MYH14: variants seen among roughly 807,000 people sequenced by gnomAD.
The protein encoded by MYH14 is myosin heavy chain 14.
MYH14 carries 123 observed loss-of-function variants against 255.5 expected under a neutral mutation model. That is an observed-to-expected ratio of 0.48 (90% confidence interval 0.42 to 0.56). MYH14 has a LOEUF of 0.56. Ranked by LOEUF, MYH14 falls within the 20% of genes least tolerant of loss-of-function variation. The pLI is 0.00. For missense variants in MYH14, 2,423 were observed against 2,802.3 expected, an observed-to-expected ratio of 0.86 and a Z score of 3.06; for synonymous variants, 1,095 against 1,161.2, an observed-to-expected ratio of 0.94 and a Z score of 1.16.
rs756634390 is a variant in MYH14 at position 50,289,423 on chromosome 19, C to T, written c.4753-13C>T. The T allele has an allele frequency of 6.9e-6, 11 of 1,597,966 alleles. No individual in the cohort carries two copies. Among genetic ancestry groups the T allele is most frequent in the African/African-American group, 1.3e-5 (1 of 74,690 alleles). ...CAGTGACCCAGGTACCCAGCAGCTA[C>T]TCTCCCCACCAGGTGCATGAGCTGG... On this transcript the variant is annotated splice_polypyrimidine_tract_variant and intron_variant, in intron 34 of 42. Coordinates refer to ENST00000642316, the MANE Select transcript of MYH14 (RefSeq NM_001145809.2).
intron 8 of MYH14, among the ~76,000 whole-genome samples, chr19:50,228,635 C>A (rs1438284151): frequency 1.3e-5 from 2 of 152,192 alleles, no homozygotes; most frequent in Non-Finnish European, 2.9e-5. Flanking sequence ...TGGCTCCCAC[C>A]TCTCCATGGT....
Position 50,293,559 on chromosome 19 carries a change from C to T in MYH14, c.5346-5C>T, listed in dbSNP as rs1210324563. The T allele has an allele frequency of 1.9e-6, 3 of 1,612,636 alleles. No individual in the cohort carries two copies. The highest frequency in any genetic ancestry group is 2.5e-6 in the Non-Finnish European group (3 of 1,179,398). On this transcript the variant is annotated splice_region_variant and splice_polypyrimidine_tract_variant and intron_variant, in intron 38 of 42. Transcript: ENST00000642316. This position sits in a 1 kb window ranked among gnomAD's most constrained non-coding sequence, Gnocchi z 4.1. ...TTTCATCCCCACGCCTTCCTGTCTC[C>T]CTAGGGCAGCCATTCTGGAGGAGAA... is the stretch of plus-strand genomic sequence containing the variant.
intron 1 of MYH14, among the ~76,000 whole-genome samples, chr19:50,208,090 T>C (rs972005592): frequency 6.6e-6 from 1 of 152,216 alleles, no homozygotes; most frequent in Non-Finnish European, 1.5e-5. Flanking sequence ...GTCCCCTGGT[T>C]TATTCCTCCC....
chr19:50,273,159 C>T (rs575168954), intron 27 of MYH14, among the ~76,000 whole-genome samples: 20 of 151,848 alleles, frequency 1.3e-4, no homozygotes, highest in South Asian at 1.0e-3. Flanking sequence ...GGTGTGGTGG[C>T]GGGCGCCTGT....
At chr19:50,219,728 G>T (rs1018729181) in intron 3 of MYH14, among the ~76,000 whole-genome samples, 1 of 150,754 alleles carries the variant, frequency 6.6e-6, no homozygotes, top group African/African-American at 2.5e-5. Context: ...TCCATCCAAG[G>T]GGCTGCCATT....
chr19:50,249,074 C>G lies in MYH14; in HGVS notation c.1417C>G (p.Arg473Gly). Residue 473 changes from arginine (R) to glycine (G), a missense_variant, in exon 13 of 43, where the codon CGC becomes GGC. This residue lies in a region of MYH14 where 672 missense variants were observed against 881.8 expected (regional missense o/e 0.76). Coordinates refer to ENST00000642316, the MANE Select transcript of MYH14 (RefSeq NM_001145809.2). ...LVLRLNRALDRSPRQGASFLG... is the reference protein window; with the variant it reads ...LVLRLNRALDGSPRQGASFLG... ...TCTGCGCCTCAACCGGGCCTTGGAC[C>G]GCAGCCCCCGCCAAGGCGCCTCCTT... The G allele has an allele frequency of 6.2e-7, 1 of 1,607,084 alleles. No homozygotes were observed. Among genetic ancestry groups the G allele is most frequent in the African/African-American group, 1.3e-5 (1 of 74,956 alleles).
intron 22 of MYH14, among the ~76,000 whole-genome samples, chr19:50,263,850 A>G (rs1460471708): frequency 6.6e-6 from 1 of 152,052 alleles, no homozygotes; most frequent in Non-Finnish European, 1.5e-5. Context: ...TGAGATCAGG[A>G]GTTCGAGACC....
At position 50,271,916 on chromosome 19, in the gene MYH14, T is replaced by C. The variant is rs753999335; in HGVS notation, c.3239T>C (p.Val1080Ala). ...SSQAAEEEEK[V>A]KSLNKLRLKY... Reference sequence around the variant, plus strand: ...CAGGCAGCTGAGGAGGAGGAGAAGGTCAAGAGCCTCAATAAGCTACGGCTC... The same window carrying C: ...CAGGCAGCTGAGGAGGAGGAGAAGGCCAAGAGCCTCAATAAGCTACGGCTC... Residue 1080 changes from valine (V) to alanine (A), a missense_variant, in exon 26 of 43, where the codon GTC becomes GCC. Val to Ala is a moderately conservative substitution (Grantham distance 64). Around this residue, in one of 3 missense-constraint regions of MYH14, gnomAD observed 1,513 missense variants for 1,674.8 expected, o/e 0.90. Coordinates refer to ENST00000642316, the MANE Select transcript of MYH14 (RefSeq NM_001145809.2). 1 of 1,612,296 alleles carries C rather than the reference T, an allele frequency of 6.2e-7. No individual in the cohort carries two copies. The highest frequency in any genetic ancestry group is 1.7e-5 in the Admixed American group (1 of 59,822).
In MYH14 at chr19:50,266,777, T is replaced by C; in HGVS notation, c.2695-100T>C. Reference sequence around the variant, plus strand: ...AAGGCGGGGACACACAGCTAATAGGTGGAGGAGAAGGGATTTGAACCCAGA... The same window carrying C: ...AAGGCGGGGACACACAGCTAATAGGCGGAGGAGAAGGGATTTGAACCCAGA... On this transcript the variant is annotated intron_variant, in intron 22 of 42. Coordinates refer to ENST00000642316, the MANE Select transcript of MYH14 (RefSeq NM_001145809.2). This position sits in a 1 kb window ranked among gnomAD's most constrained non-coding sequence, Gnocchi z 4.1. 2 of 1,471,846 alleles carry C rather than the reference T, an allele frequency of 1.4e-6. No homozygotes were observed. Among genetic ancestry groups the C allele is most frequent in the South Asian group, 1.3e-5 (1 of 79,878 alleles). The allele number at this position is 1,471,846 out of a possible 1,614,324, so 91.2% of individuals were successfully genotyped here. A position where few individuals can be genotyped will look rare whatever the true frequency, so the allele number is the denominator to read the frequency against.
At chr19:50,284,085 C>CA (rs1289256025) in intron 33 of MYH14, among the ~76,000 whole-genome samples, 122 of 117,002 alleles carry the variant, frequency 1.0e-3, no homozygotes, top group African/African-American at 4.4e-3. Flanking sequence ...AAAAACAAAA[C>CA]AAAAAACAAA....
chr19:50,238,389 G>T (rs1378097533), intron 10 of MYH14, among the ~76,000 whole-genome samples: 1 of 152,226 alleles, frequency 6.6e-6, no homozygotes, highest in Non-Finnish European at 1.5e-5. Flanking sequence ...CATTAAGTTT[G>T]CTGGGCCAGA....
chr19:50,281,783 C>T lies in MYH14; in HGVS notation c.4480C>T (p.Leu1494=). The change falls in exon 33 of 43, where the codon CTG becomes TTG. Residue 1494 remains leucine, a synonymous_variant. Transcript: ENST00000642316. The part of the protein sequence containing the change: ...QQELDDATMD[L]EQQRQLVSTL... ...GGAGCTGGACGACGCCACCATGGAC[C>T]TGGAGCAGCAGCGGCAGCTTGTGAG... The T allele has an allele frequency of 6.2e-7, 1 of 1,612,752 alleles. No individual in the cohort carries two copies. The highest frequency in any genetic ancestry group is 8.5e-7 in the Non-Finnish European group (1 of 1,179,804).
At chr19:50,220,446 T>C (rs576574852) in intron 3 of MYH14, among the ~76,000 whole-genome samples, 1 of 150,336 alleles carries the variant, frequency 6.7e-6, no homozygotes, top group Non-Finnish European at 1.5e-5. Flanking sequence ...GTTGATTTAA[T>C]AAATTATACC....
At chr19:50,244,479 A>ATTTTT in intron 11 of MYH14, 142 bp downstream of exon 11, 6 of 436,278 alleles carry the variant, frequency 1.4e-5, no homozygotes, top group East Asian at 4.0e-5. Context: ...GATTTCCTGC[A>ATTTTT]TTTTTTTTTT....
intron 16 of MYH14, among the ~76,000 whole-genome samples, chr19:50,254,153 G>T (rs1284871498): frequency 6.6e-6 from 1 of 151,508 alleles, no homozygotes; most frequent in East Asian, 1.9e-4. Flanking sequence ...GGAGGTGGAG[G>T]TTGTGGTGAG....
At chr19:50,205,807 G>A (rs1273392672) in intron 1 of MYH14, among the ~76,000 whole-genome samples, 6 of 152,192 alleles carry the variant, frequency 3.9e-5, no homozygotes. Context: ...GTCTGTAGGA[G>A]CAGGGGCTGG....
chr19:50,272,529 C>G (rs1407267945), intron 26 of MYH14, 31 bp from the exon 27 acceptor site: 4 of 1,553,396 alleles, frequency 2.6e-6, no homozygotes, highest in Non-Finnish European at 3.5e-6. Context: ...GGCCTGGAGT[C>G]CTCATGCACG....
chr19:50,246,367 C>T (rs2034125375), intron 11 of MYH14, among the ~76,000 whole-genome samples: 1 of 152,120 alleles, frequency 6.6e-6, no homozygotes, highest in Non-Finnish European at 1.5e-5. Context: ...TCTCAAACTC[C>T]TGACCTCAGG....
intron 2 of MYH14, among the ~76,000 whole-genome samples, chr19:50,211,969 C>T (rs1427497401): frequency 1.3e-5 from 2 of 152,098 alleles, no homozygotes; most frequent in Non-Finnish European, 2.9e-5. Flanking sequence ...GCCTGGGTAA[C>T]AAATCAAGAC....
Sources: gnomAD v4.1 joint callset for allele counts (sites outside exome capture counted in the v4.1 genomes callset) on GRCh38, gnomAD v4.1.1 for gene constraint, gnomAD v4.1.1 regional missense constraint, Gnocchi (gnomAD v3.1) non-coding constraint, MANE v1.5 for transcripts, NCBI Gene and HGNC (gene_info 2026-07-23, HGNC 2026-07-21) for gene names.